Variants in PTP4A1 observed in about 807,000 individuals in gnomAD.
The protein encoded by PTP4A1 is protein tyrosine phosphatase 4A1.
In PTP4A1, 9 loss-of-function variants were observed where a neutral mutation model predicts 20.5. The ratio of observed to expected loss-of-function variants is 0.44; its 90% CI spans 0.26 to 0.77. The LOEUF (loss-of-function observed/expected upper bound fraction) is 0.77, where lower values mean the gene tolerates loss of function less well. Ranked by LOEUF, PTP4A1 falls within the 30% of genes least tolerant of loss-of-function variation. PTP4A1 has a pLI of 0.19. For missense variants in PTP4A1, 137 were observed against 218.8 expected (o/e 0.63, Z 2.36); for synonymous variants, 78 against 67.4 (o/e 1.16, Z -0.77).
chr6:63,549,007 CA>C, intron 2 of PTP4A1: 1 of 729,204 alleles, frequency 1.4e-6, no homozygotes. Flanking sequence ...GGCAAGAAGA[CA>C]ACCAGCTCGA....
intron 3 of PTP4A1, 133 bp from the exon 4 acceptor site, chr6:63,578,765 C>G (rs1778032927): frequency 3.5e-6 from 4 of 1,135,446 alleles, no homozygotes. Context: ...TGGTAGACAA[C>G]AGGGTTTAAT....
intron 1 of PTP4A1, among the ~76,000 whole-genome samples, chr6:63,574,704 G>T (rs925532744): frequency 4.6e-5 from 7 of 152,132 alleles, no homozygotes; most frequent in African/African-American, 1.7e-4. Flanking sequence ...GTAATACCTA[G>T]AAATTAGAAT....
At chr6:63,546,352 G>A (rs1776178682) in intron 2 of PTP4A1, among the ~76,000 whole-genome samples, 1 of 152,196 alleles carries the variant, frequency 6.6e-6, no homozygotes, top group African/African-American at 2.4e-5. Flanking sequence ...GAAGCAGAGA[G>A]TAGAATGGTG....
intron 2 of PTP4A1, among the ~76,000 whole-genome samples, chr6:63,539,780 AT>A (rs1775875563): frequency 1.3e-5 from 2 of 152,050 alleles, no homozygotes; most frequent in African/African-American, 2.4e-5. Flanking sequence ...AAAAAAAAAA[AT>A]TGGCAAAGGA....
intron 2 of PTP4A1, among the ~76,000 whole-genome samples, chr6:63,535,123 T>C (rs1775662776): frequency 6.6e-6 from 1 of 152,068 alleles, no homozygotes; most frequent in East Asian, 1.9e-4. Context: ...GGTAATAAAA[T>C]ACATGGGGTG....
upstream of PTP4A1, among the ~76,000 whole-genome samples, chr6:63,520,396 G>A (rs1774875989): frequency 6.6e-6 from 1 of 152,186 alleles, no homozygotes. Flanking sequence ...GGAGACTGAG[G>A]CGGGCGGATC....
At chr6:63,553,717 C>A (rs529967420) in intron 3 of PTP4A1, among the ~76,000 whole-genome samples, 2 of 151,918 alleles carry the variant, frequency 1.3e-5, no homozygotes, top group African/African-American at 4.8e-5. Flanking sequence ...TGTATAGGAG[C>A]AGGAAAGGTA....
chr6:63,557,787 G>A (rs769213535), intron 3 of PTP4A1, among the ~76,000 whole-genome samples: 6 of 152,102 alleles, frequency 3.9e-5, no homozygotes, highest in African/African-American at 7.2e-5. Flanking sequence ...AATATCTTGC[G>A]AAAGAGTTTG....
chr6:63,536,200 G>A (rs181746038), intron 2 of PTP4A1, among the ~76,000 whole-genome samples: 1,861 of 152,218 alleles, frequency 0.012, 26 homozygotes, highest in South Asian at 0.033. Context: ...GCGTGGTGGC[G>A]GGTGCCTGCA....
chr6:63,532,899 T>A (rs1293191228), intron 2 of PTP4A1, among the ~76,000 whole-genome samples: 3 of 152,196 alleles, frequency 2.0e-5, no homozygotes, highest in African/African-American at 7.2e-5. Flanking sequence ...TTTTAGCTAA[T>A]CCATTAATAA....
intron 2 of PTP4A1, among the ~76,000 whole-genome samples, chr6:63,538,860 A>G (rs958373446): frequency 4.0e-5 from 6 of 151,778 alleles, no homozygotes; most frequent in African/African-American, 1.5e-4. Context: ...AGGTGTGGGA[A>G]CCGCATTTTG....
chr6:63,531,636 C>T (rs548600327), intron 2 of PTP4A1, among the ~76,000 whole-genome samples: 29 of 150,642 alleles, frequency 1.9e-4, no homozygotes, highest in African/African-American at 6.3e-4. Context: ...ACTATAGGCA[C>T]GAGCCACCAT....
At chr6:63,558,432 G>A (rs934638827) in intron 3 of PTP4A1, among the ~76,000 whole-genome samples, 2 of 152,288 alleles carry the variant, frequency 1.3e-5, no homozygotes, top group African/African-American at 2.4e-5. Flanking sequence ...CAGTCAGACA[G>A]AAAAGAAGAA....
chr6:63,528,569 A>G (rs929038992), intron 2 of PTP4A1, among the ~76,000 whole-genome samples: 8 of 152,092 alleles, frequency 5.3e-5, no homozygotes, highest in African/African-American at 1.4e-4. Flanking sequence ...TACAAAAAAT[A>G]TAACAAAACA....
intron 2 of PTP4A1, among the ~76,000 whole-genome samples, chr6:63,531,648 C>T (rs1775471266): frequency 6.6e-6 from 1 of 151,452 alleles, no homozygotes; most frequent in South Asian, 2.1e-4. Context: ...AGCCACCATG[C>T]TTGATCAATA....
At chr6:63,569,403 C>G (rs543667828), upstream of PTP4A1, among the ~76,000 whole-genome samples, 1 of 152,124 alleles carries the variant, frequency 6.6e-6, no homozygotes, top group South Asian at 2.1e-4. Context: ...ATTAGAGGTG[C>G]CTGCCACCAT....
Position 63,580,712 on chromosome 6 carries a change from G to A in PTP4A1, c.*538G>A, listed in dbSNP as rs1473679910. On this transcript the variant is annotated 3_prime_UTR_variant, in exon 6 of 6. Coordinates refer to ENST00000626021, the MANE Select transcript of PTP4A1 (RefSeq NM_003463.5). ...CCACATTCATACCAATATACGTCAGGTTTGCTTAACCATTGATTTTTTTTT... is the reference window on the plus strand; with the variant it reads ...CCACATTCATACCAATATACGTCAGATTTGCTTAACCATTGATTTTTTTTT... 6.6e-6 allele frequency: 1 copy of A among 151,212 alleles called. No individual in the cohort carries two copies. The highest frequency in any genetic ancestry group is 1.5e-5 in the Non-Finnish European group (1 of 67,840). 9.4% of individuals were successfully genotyped at this position (151,212 alleles called of 1,614,324 possible).
At chr6:63,540,859 C>T (rs1775934175) in intron 2 of PTP4A1, among the ~76,000 whole-genome samples, 1 of 151,094 alleles carries the variant, frequency 6.6e-6, no homozygotes, top group African/African-American at 2.4e-5. Context: ...AAAAAATAGC[C>T]GGTCTTGGTG....
Position 63,572,717 on chromosome 6 carries a change from C to G in PTP4A1, c.-448C>G, listed in dbSNP as rs572488466. ...ACAATCTTCAATGAGTAAACATATTCCTGTGAGTAGCCGTCGCATCGTCGC... is the reference window on the plus strand; with the variant it reads ...ACAATCTTCAATGAGTAAACATATTGCTGTGAGTAGCCGTCGCATCGTCGC... On this transcript the variant is annotated splice_region_variant and 5_prime_UTR_variant, in exon 1 of 6. Transcript: ENST00000626021. 3.8e-5 allele frequency: 15 copies of G among 398,728 alleles called. No individual in the cohort carries two copies. The highest frequency in any genetic ancestry group is 2.7e-4 in the African/African-American group (13 of 48,696). 24.7% of individuals were successfully genotyped at this position (398,728 alleles called of 1,614,324 possible). A position where few individuals can be genotyped will look rare whatever the true frequency, so the allele number is the denominator to read the frequency against.
Sources: allele counts gnomAD v4.1 joint callset (sites outside exome capture counted in the v4.1 genomes callset), GRCh38; gene constraint gnomAD v4.1.1; transcripts MANE v1.5; gene names NCBI Gene and HGNC (gene_info 2026-07-23, HGNC 2026-07-21).